The following ADGRA1 variants were observed in gnomAD, a reference collection of about 807,000 sequenced individuals.
ADGRA1 encodes adhesion G protein-coupled receptor A1, also known as G-protein coupled receptor 123.
In ADGRA1, 12 loss-of-function variants were observed where a neutral mutation model predicts 21.3. That is an observed-to-expected ratio of 0.56 (90% CI 0.36 to 0.91). The LOEUF (loss-of-function observed/expected upper bound fraction) is 0.91. Ranked by LOEUF, ADGRA1 falls within the 40% of genes least tolerant of loss-of-function variation. ADGRA1 has a pLI of 0.01. For missense variants in ADGRA1, 790 were observed against 805.6 expected (o/e 0.98, Z 0.23); for synonymous variants, 385 against 368.8 (o/e 1.04, Z -0.50).
intron 4 of ADGRA1, 114 bp from the exon 5 acceptor site, chr10:133,102,583 C>T (rs571453638): frequency 9.8e-4 from 1,236 of 1,265,014 alleles, no homozygotes; most frequent in Admixed American, 1.3e-3. Context: ...GGGATACAGA[C>T]GCTGCTGGCC....
At chr10:133,111,239 C>G in intron 5 of ADGRA1, among the ~76,000 whole-genome samples, 2 of 122,534 alleles carry the variant, frequency 1.6e-5, no homozygotes, top group Non-Finnish European at 3.2e-5. Flanking sequence ...CTCCTAATCC[C>G]ACCAGACAAC....
intron 5 of ADGRA1, among the ~76,000 whole-genome samples, chr10:133,111,221 G>A (rs368186447): frequency 0.012 from 1,073 of 90,206 alleles, 34 homozygotes; most frequent in South Asian, 0.019. Context: ...CCCACCACAG[G>A]CACCTCCCTC....
chr10:133,088,166 C>T, intron 1 of ADGRA1, 28 bp downstream of exon 1: 7 of 912,594 alleles, frequency 7.7e-6, no homozygotes, highest in Non-Finnish European at 9.2e-6. Context: ...GTCTGGGCGG[C>T]GGGAGGGACG....
At chr10:133,095,575 G>A in intron 2 of ADGRA1, 1 of 1,488,398 alleles carries the variant, frequency 6.7e-7, no homozygotes, top group Non-Finnish European at 9.0e-7. Context: ...GTGCCCGCCT[G>A]GCCAGTGCTG....
chr10:133,128,656 G>A lies in ADGRA1; in HGVS notation c.828G>A (p.Ala276=), dbSNP rs772972025. 21 of 1,609,348 alleles carry A rather than the reference G, an allele frequency of 1.3e-5. No homozygotes were observed. Among genetic ancestry groups the A allele is most frequent in the Admixed American group, 6.7e-5 (4 of 59,818 alleles). ...FTATWAFGAL[A]VSQGHFLDMV... is the part of the protein sequence containing the mutation. ...CCACGTGGGCCTTCGGGGCGCTGGC[G>A]GTGTCACAGGGCCACTTCCTGGACA... The change falls in exon 7 of 7, where the codon GCG becomes GCA. Residue 276 remains alanine (A), a synonymous_variant. Transcript: ENST00000392607.
chr10:133,112,396 G>GTACGT (rs1852054737), intron 5 of ADGRA1, among the ~76,000 whole-genome samples: 3 of 140,380 alleles, frequency 2.1e-5, no homozygotes, highest in Admixed American at 7.0e-5. Flanking sequence ...GGGTCTACGG[G>GTACGT]CCGCGTCCGT....
At chr10:133,106,389 T>TA (rs1851893964) in intron 5 of ADGRA1, among the ~76,000 whole-genome samples, 1 of 152,184 alleles carries the variant, frequency 6.6e-6, no homozygotes, top group African/African-American at 2.4e-5. Context: ...TGGGAACCCT[T>TA]AGAGACCCTT....
chr10:133,117,165 T>A (rs1392120567), intron 5 of ADGRA1, among the ~76,000 whole-genome samples: 1 of 152,114 alleles, frequency 6.6e-6, no homozygotes, highest in Non-Finnish European at 1.5e-5. Flanking sequence ...CGGCAGGAGC[T>A]GTGAGCCACA....
At chr10:133,111,208 C>G (rs1324439554) in intron 5 of ADGRA1, among the ~76,000 whole-genome samples, 1 of 140,452 alleles carries the variant, frequency 7.1e-6, no homozygotes, top group African/African-American at 2.8e-5. Flanking sequence ...TCCAGACAAC[C>G]TGCCCACCAC....
chr10:133,090,225 C>T (rs1851575160), intron 2 of ADGRA1, among the ~76,000 whole-genome samples: 1 of 152,226 alleles, frequency 6.6e-6, no homozygotes, highest in Non-Finnish European at 1.5e-5. Context: ...CCTCCCCAAT[C>T]CAAGAAGGGC....
At chr10:133,127,771 ACCCAGCTCCACCTCCGC>A (rs1564855866) in intron 6 of ADGRA1, among the ~76,000 whole-genome samples, 20 of 3,312 alleles carry the variant, frequency 6.0e-3, no homozygotes, top group African/African-American at 0.024. Flanking sequence ...TGCCCCGCCC[ACCCAGCTCCACCTCCGC>A]CTGGCCCCGC....
Position 133,129,327 on chromosome 10 carries a change from C to T in ADGRA1, c.1499C>T (p.Pro500Leu). The change falls in exon 7 of 7, where the codon CCG (proline) becomes CTG (leucine). Residue 500 changes from proline (P) to leucine (L), a missense_variant. Transcript: ENST00000392607. ...SPALYSCPTQPGREAALGPGH... is the reference protein window; with the variant it reads ...SPALYSCPTQLGREAALGPGH... ...GCCCTCTACAGCTGCCCCACGCAGC[C>T]GGGCAGGGAGGCAGCGCTCGGGCCC... 1 of 1,566,758 alleles carries T rather than the reference C, an allele frequency of 6.4e-7. No homozygotes were observed. The highest frequency in any genetic ancestry group is 8.6e-7 in the Non-Finnish European group (1 of 1,157,338).
At chr10:133,127,363 G>T in intron 6 of ADGRA1, 32 bp downstream of exon 6, 1 of 1,515,992 alleles carries the variant, frequency 6.6e-7, no homozygotes. Flanking sequence ...CCGGGAGCTG[G>T]GAGCAGCGGG....
At chr10:133,126,149 C>A (rs1852371217) in intron 5 of ADGRA1, among the ~76,000 whole-genome samples, 1 of 152,252 alleles carries the variant, frequency 6.6e-6, no homozygotes, top group Non-Finnish European at 1.5e-5. Context: ...TGGGGTTTTC[C>A]ACAGGTGCGG....
At chr10:133,102,945 G>C in intron 5 of ADGRA1, 103 bp downstream of exon 5, 2 of 1,294,298 alleles carry the variant, frequency 1.5e-6, no homozygotes, top group South Asian at 2.9e-5. Flanking sequence ...CCAGGGGCCT[G>C]AGGATGATCC....
intron 2 of ADGRA1, among the ~76,000 whole-genome samples, chr10:133,091,698 G>C (rs1851598020): frequency 6.6e-6 from 1 of 152,248 alleles, no homozygotes; most frequent in African/African-American, 2.4e-5. Context: ...TGCCGGGATT[G>C]AGTGCGAGGA....
At chr10:133,112,255 A>G (rs1380286358) in intron 5 of ADGRA1, among the ~76,000 whole-genome samples, 1 of 152,246 alleles carries the variant, frequency 6.6e-6, no homozygotes, top group Non-Finnish European at 1.5e-5. Context: ...TTAATTTTGC[A>G]GTACGGCCAC....
At chr10:133,116,121 A>G (rs1480965557) in intron 5 of ADGRA1, among the ~76,000 whole-genome samples, 8 of 150,774 alleles carry the variant, frequency 5.3e-5, no homozygotes, top group Non-Finnish European at 5.9e-5. Context: ...CTGCAGGGGC[A>G]TTCCTCGTGG....
At chr10:133,097,252 C>T (rs1851704871) in intron 3 of ADGRA1, 151 bp downstream of exon 3, 1 of 934,226 alleles carries the variant, frequency 1.1e-6, no homozygotes, top group Non-Finnish European at 1.6e-6. Flanking sequence ...CTCAGACCCG[C>T]TCAGCAGCCT....
Sources: allele counts gnomAD v4.1 joint callset (sites outside exome capture counted in the v4.1 genomes callset), GRCh38; gene constraint gnomAD v4.1.1; transcripts MANE v1.5; gene names NCBI Gene and HGNC (gene_info 2026-07-23, HGNC 2026-07-21).